DOCK2: variants seen among roughly 807,000 people sequenced by gnomAD.
The protein encoded by DOCK2 is dedicator of cytokinesis protein 2.
Under a neutral mutation model 248.9 loss-of-function variants are expected in DOCK2, and 87 were observed. That is an observed-to-expected ratio of 0.35 (90% CI 0.29 to 0.42). DOCK2 has a LOEUF of 0.42. DOCK2 is among the 10% of genes least tolerant of loss of function. The pLI is 1.00. For missense variants in DOCK2, 1,747 were observed against 2,300.2 expected, an observed-to-expected ratio of 0.76 and a Z score of 4.92; for synonymous variants, 805 against 821.6, an observed-to-expected ratio of 0.98 and a Z score of 0.35.
intron 1 of DOCK2, among the ~76,000 whole-genome samples, chr5:169,647,084 GC>G (rs1199290127): frequency 1.3e-5 from 2 of 152,216 alleles, no homozygotes; most frequent in Non-Finnish European, 2.9e-5. Flanking sequence ...TGGGGGCAGT[GC>G]CCCCTTTGCT....
At position 170,027,883 on chromosome 5, in the gene DOCK2, G is replaced by A. The variant is rs143743514; in HGVS notation, c.3402G>A (p.Leu1134=). 4.3e-6 allele frequency: 7 copies of A among 1,612,984 alleles called. No homozygotes were observed. The African/African-American group carries it at 9.3e-5, about 22-fold the overall frequency. Residue 1134 remains leucine (L), a synonymous_variant, in exon 34 of 52, where the codon CTG becomes CTA. Transcript: ENST00000520908. ...DFKKFENEII[L]KLDHEVEGGR... is the part of the protein sequence containing the mutation. ...TTCAGTTTGAAAACGAAATCATCCT[G>A]AAGCTGGACCACGAGGTAGAAGGGG...
At chr5:169,917,777 C>T (rs1003055511) in intron 27 of DOCK2, among the ~76,000 whole-genome samples, 1 of 152,104 alleles carries the variant, frequency 6.6e-6, no homozygotes, top group Non-Finnish European at 1.5e-5. Context: ...TCTGGCCCTA[C>T]CACACAGAAA....
chr5:169,792,004 T>C (rs958430695), intron 25 of DOCK2, among the ~76,000 whole-genome samples: 2 of 152,218 alleles, frequency 1.3e-5, no homozygotes, highest in Admixed American at 1.3e-4. Flanking sequence ...GATAAAAGTG[T>C]AGGAGTTCCT....
Position 170,007,164 on chromosome 5 carries a change from A to G in DOCK2, c.3073-1333A>G, listed in dbSNP as rs1755063564. On this transcript the variant is annotated intron_variant, in intron 30 of 51. Coordinates refer to ENST00000520908, the MANE Select transcript of DOCK2 (RefSeq NM_004946.3). ...AGTTGCCTCTTTCATAGTCTTGGCC[A>G]TCTGCAAACACGAATGAACGTCTTT... 3.3e-5 allele frequency among the ~76,000 whole-genome samples: 5 copies of G among 152,248 alleles called. 1 individual carries two copies. The South Asian group carries it at 1.0e-3, about 32-fold the overall frequency.
intron 26 of DOCK2, among the ~76,000 whole-genome samples, chr5:169,811,795 TCAA>T: frequency 6.6e-6 from 1 of 152,106 alleles, no homozygotes; most frequent in Non-Finnish European, 1.5e-5. Flanking sequence ...CATTCCCAAC[TCAA>T]CAGCCTCTCA....
intron 38 of DOCK2, among the ~76,000 whole-genome samples, chr5:170,044,144 G>A (rs1756613369): frequency 6.6e-6 from 1 of 152,114 alleles, no homozygotes; most frequent in Non-Finnish European, 1.5e-5. Context: ...ATTGCTCCAG[G>A]CACACATGCT....
In DOCK2 at chr5:170,080,293, C is replaced by T; in HGVS notation, c.5287+10C>T. 6.2e-7 allele frequency: 1 copy of T among 1,613,992 alleles called. No homozygotes were observed. Among genetic ancestry groups the T allele is most frequent in the African/African-American group, 1.3e-5 (1 of 75,066 alleles). ...ATGCCTACCATCCCAGGTATGCCCC[C>T]TGCTGCCACCAGCATGAGGGAGTAG... is the stretch of plus-strand genomic sequence containing the variant. On this transcript the variant is annotated intron_variant, in intron 50 of 51. Transcript: ENST00000520908.
chr5:169,763,735 A>G lies in DOCK2; in HGVS notation c.2554+2110A>G, dbSNP rs1270906303. Among the ~76,000 whole-genome samples, 1 of 152,260 alleles carries G rather than the reference A, an allele frequency of 6.6e-6. No individual in the cohort carries two copies. The highest frequency in any genetic ancestry group is 1.9e-4 in the East Asian group (1 of 5,204). ...GAAGGCCAGCCCTGGCGTTGTACAC[A>G]GTTAAAAAAGAAAGCAAAATTCTTA... On this transcript the variant is annotated intron_variant, in intron 25 of 51. Transcript: ENST00000520908. This position sits in a 1 kb window ranked among gnomAD's most constrained non-coding sequence, Gnocchi z 4.1.
chr5:170,050,139 AGT>A, intron 40 of DOCK2, 115 bp from the exon 41 acceptor site: 1 of 1,316,232 alleles, frequency 7.6e-7, no homozygotes. Flanking sequence ...CCAAGAGGAG[AGT>A]GATGCACTGG....
chr5:169,732,766 G>T (rs973471119), intron 22 of DOCK2, among the ~76,000 whole-genome samples: 1 of 152,102 alleles, frequency 6.6e-6, no homozygotes, highest in African/African-American at 2.4e-5. Context: ...TACTGTATTT[G>T]CTTTCTCCAG....
intron 26 of DOCK2, among the ~76,000 whole-genome samples, chr5:169,822,226 A>G (rs1276724102): frequency 6.6e-6 from 1 of 152,212 alleles, no homozygotes; most frequent in Non-Finnish European, 1.5e-5. Flanking sequence ...GAAAGTTAAC[A>G]AGGATATCCA....
intron 43 of DOCK2, chr5:170,057,371 G>A (rs1757167600): frequency 1.6e-6 from 1 of 626,318 alleles, no homozygotes; most frequent in South Asian, 1.8e-5. Context: ...CTTGGCCTAA[G>A]TCCAGGGAGA....
chr5:169,909,900 A>G (rs1177730300), intron 27 of DOCK2, among the ~76,000 whole-genome samples: 1 of 152,104 alleles, frequency 6.6e-6, no homozygotes, highest in Non-Finnish European at 1.5e-5. Context: ...CTTGGGGCTA[A>G]TCCTCTCTTT....
Position 169,665,676 on chromosome 5 carries a change from C to G in DOCK2, c.128-3612C>G, listed in dbSNP as rs1758685035. Among the ~76,000 whole-genome samples, 4 of 151,926 alleles carry G rather than the reference C, an allele frequency of 2.6e-5. No individual in the cohort carries two copies. The South Asian group carries it at 8.3e-4, about 32-fold the overall frequency. Reference sequence around the variant, plus strand: ...AGATGCATACACTTTTTAACTTTGTCTAAAAAAATAGTGTTTGTAGCACTC... The same window carrying G: ...AGATGCATACACTTTTTAACTTTGTGTAAAAAAATAGTGTTTGTAGCACTC... On this transcript the variant is annotated intron_variant, in intron 2 of 51. Transcript: ENST00000520908.
chr5:169,759,017 G>A (rs773524914), intron 23 of DOCK2, among the ~76,000 whole-genome samples: 3 of 152,208 alleles, frequency 2.0e-5, no homozygotes, highest in Non-Finnish European at 4.4e-5. Flanking sequence ...TACTGAAACT[G>A]TAGTCTGCCC....
At chr5:169,908,320 C>A (rs1042486724) in intron 27 of DOCK2, among the ~76,000 whole-genome samples, 1 of 151,940 alleles carries the variant, frequency 6.6e-6, no homozygotes, top group Non-Finnish European at 1.5e-5. Flanking sequence ...TAAGCACATG[C>A]GATTCTTGTG....
intron 23 of DOCK2, among the ~76,000 whole-genome samples, chr5:169,758,580 T>C (rs1463729235): frequency 6.6e-6 from 1 of 152,188 alleles, no homozygotes; most frequent in Admixed American, 6.5e-5. Flanking sequence ...TTACGAGAAA[T>C]GGCTCTAAGT....
intron 27 of DOCK2, chr5:169,882,955 C>A (rs1772748291): frequency 6.4e-7 from 1 of 1,551,380 alleles, no homozygotes; most frequent in Non-Finnish European, 8.7e-7. Flanking sequence ...GCTGTGGGAG[C>A]CTTGTGAGGG....
chr5:169,712,324 C>T (rs996437123), intron 17 of DOCK2, 101 bp downstream of exon 17: 22 of 1,012,450 alleles, frequency 2.2e-5, no homozygotes, highest in Non-Finnish European at 3.0e-5. Context: ...CCCAGAATCA[C>T]ACACACCAGA....
Sources: allele counts gnomAD v4.1 joint callset (sites outside exome capture counted in the v4.1 genomes callset), GRCh38; gene constraint gnomAD v4.1.1; non-coding constraint Gnocchi (gnomAD v3.1); transcripts MANE v1.5; gene names NCBI Gene and HGNC (gene_info 2026-07-23, HGNC 2026-07-21).